Variants in PPFIA2 observed in about 807,000 individuals in gnomAD.
PPFIA2 encodes the protein liprin-alpha-2.
A neutral mutation model predicts 175.5 loss-of-function variants in PPFIA2; 46 were observed. The observed-to-expected ratio is 0.26, with a 90% CI of 0.21 to 0.34. The LOEUF (loss-of-function observed/expected upper bound fraction) is 0.34. PPFIA2 is among the 10% of genes least tolerant of loss of function. The pLI is 1.00. For synonymous variants in PPFIA2, 568 were observed against 511.4 expected (o/e 1.11, Z -1.49); for missense variants, 1,179 against 1,506.1 (o/e 0.78, Z 3.60).
chr12:81,612,748 A>C (rs2061050450), intron 4 of PPFIA2, among the ~76,000 whole-genome samples: 1 of 152,230 alleles, frequency 6.6e-6, no homozygotes, highest in African/African-American at 2.4e-5. Flanking sequence ...ATTTTTACAT[A>C]ATTTCATAAA....
Position 81,733,116 on chromosome 12 carries a change from A to AAT in PPFIA2, c.249+20855_249+20856dup, listed in dbSNP as rs925679354. On this transcript the variant is annotated intron_variant, in intron 3 of 32. Coordinates refer to ENST00000549396, the MANE Select transcript of PPFIA2 (RefSeq NM_003625.5). ...TCTTTTATTGTCTCTATATAGTAGA[A>AAT]ATATATATATTATGGTTAAGTTTAT... Among the ~76,000 whole-genome samples, 6 of 151,712 alleles carry AAT rather than the reference A, an allele frequency of 4.0e-5. No homozygotes were observed. The South Asian group carries it at 6.2e-4, about 16-fold the overall frequency.
chr12:81,587,849 A>G (rs150874266), intron 4 of PPFIA2, among the ~76,000 whole-genome samples: 1,589 of 152,166 alleles, frequency 0.01, 30 homozygotes, highest in African/African-American at 0.033. Context: ...ACATTGTTGA[A>G]GTCTGACATA....
At chr12:81,619,012 C>A (rs1222865896) in intron 4 of PPFIA2, among the ~76,000 whole-genome samples, 2 of 152,174 alleles carry the variant, frequency 1.3e-5, no homozygotes, top group Non-Finnish European at 2.9e-5. Flanking sequence ...TTAAAATGCT[C>A]TATCTACATT....
In PPFIA2 at chr12:81,275,282, G is replaced by A. The variant is rs376751191; in HGVS notation, c.3310+2035C>T. On this transcript the variant is annotated intron_variant, in intron 28 of 32. Transcript: ENST00000549396. ...ATTTTGATAATGGAAAAGCACTTTC[G>A]TGCTTCGAAGTAATGCATCAAATGA... is the stretch of plus-strand genomic sequence containing the variant. Among the ~76,000 whole-genome samples, 26 of 152,240 alleles carry A rather than the reference G, an allele frequency of 1.7e-4. 1 individual carries two copies. The South Asian group carries it at 3.3e-3, about 19-fold the overall frequency.
At chr12:81,348,409 G>A (rs1220942376) in intron 17 of PPFIA2, among the ~76,000 whole-genome samples, 5 of 152,198 alleles carry the variant, frequency 3.3e-5, no homozygotes, top group Admixed American at 3.3e-4. Context: ...TATATAGATA[G>A]ATGATGAATA....
At chr12:81,547,479 G>A (rs541103487) in intron 4 of PPFIA2, among the ~76,000 whole-genome samples, 21 of 151,918 alleles carry the variant, frequency 1.4e-4, no homozygotes, top group African/African-American at 4.1e-4. Context: ...TGGTTCAAGC[G>A]ATTCTCCTGC....
At chr12:81,517,079 A>G (rs1337836839) in intron 4 of PPFIA2, among the ~76,000 whole-genome samples, 11 of 150,618 alleles carry the variant, frequency 7.3e-5, no homozygotes, top group Non-Finnish European at 1.5e-5. Context: ...TAAAATATGC[A>G]GCATTTTTCC....
intron 24 of PPFIA2, among the ~76,000 whole-genome samples, chr12:81,291,371 C>T (rs2044927534): frequency 6.6e-6 from 1 of 151,920 alleles, no homozygotes; most frequent in South Asian, 2.1e-4. Context: ...TCACACTTCA[C>T]TTCTATTGCA....
At chr12:81,490,732 T>C (rs543189442) in intron 4 of PPFIA2, among the ~76,000 whole-genome samples, 121 of 152,078 alleles carry the variant, frequency 8.0e-4, no homozygotes, top group African/African-American at 2.8e-3. Context: ...CTGTTTTCTG[T>C]TCAGTCTTAT....
chr12:81,414,365 C>T (rs1463711380), intron 7 of PPFIA2, among the ~76,000 whole-genome samples: 2 of 151,316 alleles, frequency 1.3e-5, no homozygotes, highest in Admixed American at 1.3e-4. Flanking sequence ...ATATATTCCC[C>T]AAAATAAAAA....
intron 4 of PPFIA2, among the ~76,000 whole-genome samples, chr12:81,549,768 T>C (rs1817665779): frequency 6.6e-6 from 1 of 151,996 alleles, no homozygotes; most frequent in Admixed American, 6.6e-5. Context: ...AGATTTTCTT[T>C]TTTAGCCATG....
intron 3 of PPFIA2, among the ~76,000 whole-genome samples, chr12:81,705,304 A>G (rs2153606549): frequency 6.7e-6 from 1 of 150,234 alleles, no homozygotes; most frequent in African/African-American, 2.4e-5. Flanking sequence ...GAATACAAAA[A>G]AATTAGCTGG....
chr12:81,307,695 A>C (rs2049634749), intron 22 of PPFIA2, among the ~76,000 whole-genome samples: 1 of 152,094 alleles, frequency 6.6e-6, no homozygotes, highest in Non-Finnish European at 1.5e-5. Context: ...TCCTAAACAC[A>C]AATCTTTTTG....
intron 4 of PPFIA2, among the ~76,000 whole-genome samples, chr12:81,574,144 G>C (rs1302892638): frequency 6.6e-6 from 1 of 151,738 alleles, no homozygotes; most frequent in East Asian, 1.9e-4. Context: ...AGACACCCAG[G>C]AGAAATAACT....
At chr12:81,277,494 A>C in intron 27 of PPFIA2, 80 bp from the exon 28 acceptor site, 1 of 1,367,270 alleles carries the variant, frequency 7.3e-7, no homozygotes, top group Non-Finnish European at 9.4e-7. Flanking sequence ...AGCCATAGTC[A>C]ACACTATGCA....
chr12:81,368,136 T>A (rs1566490122), intron 13 of PPFIA2: 3 of 1,288,262 alleles, frequency 2.3e-6, no homozygotes, highest in Non-Finnish European at 3.0e-6. Context: ...TAACCAGCTC[T>A]CATAACTCTT....
chr12:81,642,772 GTATGTATTA>G lies in PPFIA2; in HGVS notation c.303+34010_303+34018del, dbSNP rs2065401325. On this transcript the variant is annotated intron_variant, in intron 4 of 32. Coordinates refer to ENST00000549396, the MANE Select transcript of PPFIA2 (RefSeq NM_003625.5). The stretch of plus-strand genomic sequence containing the variant: ...ATTATATACATACATGTATATGTAT[GTATGTATTA>G]TATACATACATGTATATGTATGTAT... Among the ~76,000 whole-genome samples the G allele has an allele frequency of 1.4e-4, 10 of 71,368 alleles. 5 individuals are homozygous for G. The highest frequency in any genetic ancestry group is 3.4e-4 in the African/African-American group (8 of 23,366). 46.8% of individuals were successfully genotyped at this position (71,368 alleles called of 152,430 possible).
At chr12:81,568,863 G>C (rs1439531618) in intron 4 of PPFIA2, among the ~76,000 whole-genome samples, 1 of 151,480 alleles carries the variant, frequency 6.6e-6, no homozygotes, top group East Asian at 1.9e-4. Context: ...GGTATAATGG[G>C]GAAATTAAAA....
chr12:81,667,056 T>G (rs1463751101), intron 4 of PPFIA2, among the ~76,000 whole-genome samples: 1 of 152,116 alleles, frequency 6.6e-6, no homozygotes, highest in African/African-American at 2.4e-5. Flanking sequence ...ACTAATTATT[T>G]TGGAAACTTT....
Sources: allele counts gnomAD v4.1 joint callset (sites outside exome capture counted in the v4.1 genomes callset), GRCh38; gene constraint gnomAD v4.1.1; transcripts MANE v1.5; gene names NCBI Gene and HGNC (gene_info 2026-07-23, HGNC 2026-07-21).